The following SOX5 variants were observed in gnomAD, a reference collection of about 807,000 sequenced individuals.
SOX5 encodes transcription factor SOX-5.
A neutral mutation model predicts 92.0 loss-of-function variants in SOX5; 9 were observed. That is an observed-to-expected ratio of 0.10 (90% CI 0.06 to 0.17). The LOEUF (loss-of-function observed/expected upper bound fraction) is 0.17, where lower values mean the gene tolerates loss of function less well. SOX5 is among the 10% of genes least tolerant of loss of function. The pLI is 1.00. For missense variants in SOX5, 642 were observed against 944.5 expected, an observed-to-expected ratio of 0.68 and a Z score of 4.20; for synonymous variants, 344 against 336.3, an observed-to-expected ratio of 1.02 and a Z score of -0.25.
At chr12:24,180,823 A>T (rs190989923) in intron 4 of SOX5, among the ~76,000 whole-genome samples, 18 of 152,340 alleles carry the variant, frequency 1.2e-4, no homozygotes, top group African/African-American at 4.3e-4. Context: ...CTATTTTCAT[A>T]TAGGAAAAAT....
chr12:24,244,110 A>G (rs1195494578), intron 3 of SOX5, among the ~76,000 whole-genome samples: 2 of 152,110 alleles, frequency 1.3e-5, no homozygotes, highest in Non-Finnish European at 2.9e-5. Flanking sequence ...TTCCACATTC[A>G]AGAGCAGAAA....
intron 8 of SOX5, among the ~76,000 whole-genome samples, chr12:23,607,189 G>C (rs1405049030): frequency 6.6e-6 from 1 of 152,092 alleles, no homozygotes; most frequent in Non-Finnish European, 1.5e-5. Flanking sequence ...GATTTTCCTG[G>C]TTCACCAAGG....
Position 24,067,469 on chromosome 12 carries a change from G to A in SOX5, c.-2+145874C>T, listed in dbSNP as rs113032494. The stretch of plus-strand genomic sequence containing the variant: ...TTAAGTTAAAATATCCTTTGTCGGT[G>A]GGTAGCAGTCCTAGAAAGAGTATTC... On this transcript the variant is annotated intron_variant, in intron 4 of 4. Transcript: ENST00000446891. 8.5e-5 allele frequency among the ~76,000 whole-genome samples: 13 copies of A among 152,110 alleles called. 1 individual carries two copies. The highest frequency in any genetic ancestry group is 2.9e-4 in the African/African-American group (12 of 41,484).
At chr12:23,584,700 G>A (rs1025164605) in intron 9 of SOX5, 1 of 819,694 alleles carries the variant, frequency 1.2e-6, no homozygotes, top group Non-Finnish European at 2.0e-6. Context: ...AATTGTCTAA[G>A]GCACAGAACC....
chr12:24,377,737 T>C (rs1403979870), intron 1 of SOX5, among the ~76,000 whole-genome samples: 1 of 152,210 alleles, frequency 6.6e-6, no homozygotes, highest in Non-Finnish European at 1.5e-5. Context: ...TTGCCTCAGT[T>C]TCCACATCTG....
intron 4 of SOX5, among the ~76,000 whole-genome samples, chr12:23,993,870 TG>T (rs1167584760): frequency 2.2e-5 from 3 of 137,708 alleles, no homozygotes; most frequent in African/African-American, 8.3e-5. Context: ...ATGAAATGTA[TG>T]TATGTATGTA....
chr12:24,369,825 T>TG (rs1250119582), intron 1 of SOX5, among the ~76,000 whole-genome samples: 1 of 152,220 alleles, frequency 6.6e-6, no homozygotes, highest in Middle Eastern at 3.2e-3. Context: ...TAGTTAAACT[T>TG]GCCCACTTTC....
At chr12:24,229,132 C>T (rs542173182) in intron 3 of SOX5, among the ~76,000 whole-genome samples, 21 of 152,322 alleles carry the variant, frequency 1.4e-4, no homozygotes, top group African/African-American at 4.6e-4. Context: ...GGATGGCACA[C>T]GTTTTGTACA....
chr12:23,649,755 C>A (rs1029539248), intron 7 of SOX5, among the ~76,000 whole-genome samples: 1 of 151,996 alleles, frequency 6.6e-6, no homozygotes, highest in East Asian at 1.9e-4. Context: ...TATAGTTGTG[C>A]ATATTTAGAT....
rs370910356 is a variant in SOX5 at position 23,626,671 on chromosome 12, C to CTTTTTT, written c.1017+14135_1017+14140dup. 8.7e-4 allele frequency among the ~76,000 whole-genome samples: 101 copies of CTTTTTT among 116,452 alleles called. 2 individuals carry two copies. The highest frequency in any genetic ancestry group is 1.6e-3 in the East Asian group (6 of 3,668). 76.4% of individuals were successfully genotyped at this position (116,452 alleles called of 152,430 possible). A position where few individuals can be genotyped will look rare whatever the true frequency, so the allele number is the denominator to read the frequency against. ...GGGCTCTTGGCTGCTTTCATTAGTG[C>CTTTTTT]TTTTTTTTTTTTTTTTTTTATCTTA... On this transcript the variant is annotated intron_variant, in intron 8 of 14. Transcript: ENST00000451604.
chr12:24,118,936 A>G (rs1948344740), intron 4 of SOX5, among the ~76,000 whole-genome samples: 1 of 152,164 alleles, frequency 6.6e-6, no homozygotes, highest in Non-Finnish European at 1.5e-5. Context: ...GCACTGAAAA[A>G]TCTTTGAGAG....
At chr12:23,979,706 T>G (rs28719134) in intron 4 of SOX5, among the ~76,000 whole-genome samples, 677 of 63,352 alleles carry the variant, frequency 0.011, 17 homozygotes, top group Non-Finnish European at 0.014. Context: ...ATGTTTTTTT[T>G]GTTTTTTTTT....
intron 4 of SOX5, among the ~76,000 whole-genome samples, chr12:24,167,657 G>A (rs1343981203): frequency 6.6e-6 from 1 of 152,102 alleles, no homozygotes; most frequent in Non-Finnish European, 1.5e-5. Context: ...GTCTACAGAA[G>A]GTACACATTT....
chr12:23,923,313 G>GAATT (rs1939001553), intron 1 of SOX5, among the ~76,000 whole-genome samples: 1 of 151,748 alleles, frequency 6.6e-6, no homozygotes, highest in South Asian at 2.1e-4. Flanking sequence ...ATGAATGAAT[G>GAATT]AATGAATGAA....
At position 24,331,849 on chromosome 12, in the gene SOX5, A is replaced by C. The variant is rs1315775492; in HGVS notation, c.-174+36714T>G. 3.5e-4 allele frequency among the ~76,000 whole-genome samples: 7 copies of C among 20,260 alleles called. No individual in the cohort carries two copies. The East Asian group carries it at 0.04, about 115-fold the overall frequency. 13.3% of individuals were successfully genotyped at this position (20,260 alleles called of 152,430 possible). A position where few individuals can be genotyped will look rare whatever the true frequency, so the allele number is the denominator to read the frequency against. ...CCTGGGAACAGAGCAAGACTGTCTC[A>C]AAAAAAAAAAAAAAAAAAAAAAAAA... is the stretch of plus-strand genomic sequence containing the variant. On this transcript the variant is annotated intron_variant, in intron 2 of 4. Coordinates refer to the SOX5 transcript ENST00000446891.
chr12:24,384,869 C>T (rs535769935), intron 1 of SOX5, among the ~76,000 whole-genome samples: 2 of 152,260 alleles, frequency 1.3e-5, no homozygotes, highest in South Asian at 4.1e-4. Context: ...GGGATGGTTA[C>T]ACAGATTCTG....
rs146569857 is a variant in SOX5, at chr12:23,941,723, T to A, written c.38+7841A>T. 2.4e-3 allele frequency among the ~76,000 whole-genome samples: 371 copies of A among 151,694 alleles called. 3 individuals carry two copies. The highest frequency in any genetic ancestry group is 8.5e-3 in the African/African-American group (351 of 41,490). On this transcript the variant is annotated intron_variant, in intron 1 of 14. Transcript: ENST00000451604. ...ATTCAGTTATCACTCAAGATCAAAG[T>A]TGAATTAGTGAATGCATACTAAACT... is the stretch of plus-strand genomic sequence containing the variant.
intron 4 of SOX5, among the ~76,000 whole-genome samples, chr12:24,172,114 T>A (rs1954268627): frequency 6.6e-6 from 1 of 152,078 alleles, no homozygotes. Context: ...TGTGTGTCTG[T>A]GTGCTGTAAG....
chr12:24,101,592 G>A (rs755184322), intron 4 of SOX5, among the ~76,000 whole-genome samples: 9 of 152,180 alleles, frequency 5.9e-5, no homozygotes, highest in South Asian at 4.2e-4. Flanking sequence ...TTCGTAAACC[G>A]TCGAATAAAT....
Sources: allele counts gnomAD v4.1 joint callset (sites outside exome capture counted in the v4.1 genomes callset), GRCh38; gene constraint gnomAD v4.1.1; transcripts MANE v1.5; gene names NCBI Gene and HGNC (gene_info 2026-07-23, HGNC 2026-07-21).